ITGB4: variants seen among roughly 807,000 people sequenced by gnomAD.
ITGB4 encodes integrin subunit beta 4.
ITGB4 carries 159 observed loss-of-function variants against 207.6 expected under a neutral mutation model. The observed-to-expected ratio is 0.77, with a 90% CI of 0.67 to 0.87. The LOEUF (loss-of-function observed/expected upper bound fraction) is 0.87. ITGB4 is among the 40% of genes least tolerant of loss of function. ITGB4 has a pLI of 0.00. For missense variants in ITGB4, 2,278 were observed against 2,546.8 expected (o/e 0.89, Z 2.27); for synonymous variants, 1,020 against 1,062.7 (o/e 0.96, Z 0.78).
rs820176 is a variant in ITGB4, at chr17:75,736,441, T to G, written c.1860+55T>G. On this transcript the variant is annotated intron_variant, in intron 15 of 39. Transcript: ENST00000200181. The stretch of plus-strand genomic sequence containing the variant: ...TGGGAACAGGGCAGGCACAGGGCAG[T>G]GTGGGCAGGAGGGGCTAAGCCTGAT... 1,227,642 of 1,609,884 alleles carry G rather than the reference T, an allele frequency of 0.76. 471,719 individuals are homozygous for G. The highest frequency in any genetic ancestry group is 0.79 in the Non-Finnish European group (930,001 of 1,176,918).
chr17:75,730,087 C>T (rs572815775), intron 7 of ITGB4, among the ~76,000 whole-genome samples, 154 bp from the exon 8 acceptor site: 4 of 152,354 alleles, frequency 2.6e-5, no homozygotes, highest in African/African-American at 7.2e-5. Context: ...AGTCATGTGC[C>T]GTCAGATGCA....
intron 14 of ITGB4, 60 bp downstream of exon 14, chr17:75,736,214 A>G (rs2060971467): frequency 6.3e-7 from 1 of 1,594,576 alleles, no homozygotes; most frequent in Non-Finnish European, 8.6e-7. Flanking sequence ...TCCAGAGAGA[A>G]CCCTATGGAG....
intron 12 of ITGB4, 95 bp from the exon 13 acceptor site, chr17:75,733,395 A>AT: frequency 9.2e-7 from 1 of 1,083,166 alleles, no homozygotes; most frequent in East Asian, 2.7e-5. Flanking sequence ...CAAAAAAAAA[A>AT]ATAAAATAAT....
chr17:75,746,488 C>T (rs2061235913), intron 26 of ITGB4: 1 of 151,744 alleles, frequency 6.6e-6, no homozygotes, highest in African/African-American at 2.4e-5. Flanking sequence ...ACCTCAGCCT[C>T]CCAAAGTGCT....
At chr17:75,747,464 G>A (rs764107897) in intron 26 of ITGB4, among the ~76,000 whole-genome samples, 30 of 152,254 alleles carry the variant, frequency 2.0e-4, no homozygotes, top group Non-Finnish European at 3.5e-4. Flanking sequence ...GGGCAAAAGA[G>A]CAAAACTCCA....
At chr17:75,726,123 G>T (rs2148457086) in intron 2 of ITGB4, among the ~76,000 whole-genome samples, 1 of 152,312 alleles carries the variant, frequency 6.6e-6, no homozygotes, top group Admixed American at 6.5e-5. Context: ...TTCTAGCTGT[G>T]CTACCTGGGG....
In ITGB4 at chr17:75,727,321, G is replaced by A. The variant is rs1384713229; in HGVS notation, c.162+44G>A. 1 of 1,612,566 alleles carries A rather than the reference G, an allele frequency of 6.2e-7. No homozygotes were observed. Among genetic ancestry groups the A allele is most frequent in the African/African-American group, 1.3e-5 (1 of 75,030 alleles). On this transcript the variant is annotated intron_variant, in intron 3 of 39. Transcript: ENST00000200181. The surrounding 1 kb of genome is among the most constrained non-coding windows in gnomAD (Gnocchi z 6.0). ...TTGGTGTGGAACAGGCAAGGGTCGG[G>A]AATAGCTGGTGGAAATGAATCTAGG...
chr17:75,744,083 G>T (rs1245876601), intron 26 of ITGB4, among the ~76,000 whole-genome samples: 5 of 150,428 alleles, frequency 3.3e-5, no homozygotes, highest in Non-Finnish European at 5.9e-5. Flanking sequence ...AGGCTCCATT[G>T]CTGCCAGGGA....
intron 2 of ITGB4, among the ~76,000 whole-genome samples, chr17:75,725,522 C>G (rs371435840): frequency 6.6e-6 from 1 of 152,102 alleles, no homozygotes; most frequent in Non-Finnish European, 1.5e-5. Context: ...CTATGTTACC[C>G]AGGCTGGTCT....
In ITGB4 at chr17:75,727,095, A is replaced by G. The variant is rs937985436; in HGVS notation, c.80-100A>G. ...CTCAAAATAAATAAATAAATAACATAAGGAGGGAATCCCCATCTCTCCAGG... is the reference window on the plus strand; with the variant it reads ...CTCAAAATAAATAAATAAATAACATGAGGAGGGAATCCCCATCTCTCCAGG... On this transcript the variant is annotated intron_variant, in intron 2 of 39. Coordinates refer to ENST00000200181, the MANE Select transcript of ITGB4 (RefSeq NM_000213.5). The surrounding 1 kb of genome is among the most constrained non-coding windows in gnomAD (Gnocchi z 6.0). The G allele has an allele frequency of 1.8e-5, 16 of 895,366 alleles. No individual in the cohort carries two copies. The highest frequency in any genetic ancestry group is 1.6e-4 in the Admixed American group (8 of 50,778). The allele number at this position is 895,366 out of a possible 1,614,324, so 55.5% of individuals were successfully genotyped here. A position where few individuals can be genotyped will look rare whatever the true frequency, so the allele number is the denominator to read the frequency against.
At chr17:75,741,818 AAAG>A (rs972778664) in intron 23 of ITGB4, among the ~76,000 whole-genome samples, 3 of 151,956 alleles carry the variant, frequency 2.0e-5, no homozygotes, top group Non-Finnish European at 4.4e-5. Context: ...AAAAAAAAAA[AAAG>A]AATGGCTGAC....
Position 75,742,197 on chromosome 17 carries a change from TG to T in ITGB4, c.2634-142del. The T allele has an allele frequency of 1.9e-6, 2 of 1,060,162 alleles. No individual in the cohort carries two copies. Among genetic ancestry groups the T allele is most frequent in the African/African-American group, 1.6e-5 (1 of 63,874 alleles). 65.7% of individuals were successfully genotyped at this position (1,060,162 alleles called of 1,614,324 possible). ...AAAGGGTATGGGGCTGGCATAGGCCTGGAGCACTGCCTGCCTCTGAAGACCC... is the reference window on the plus strand; with the variant it reads ...AAAGGGTATGGGGCTGGCATAGGCCTGAGCACTGCCTGCCTCTGAAGACCC... On this transcript the variant is annotated intron_variant, in intron 23 of 39. Coordinates refer to ENST00000200181, the MANE Select transcript of ITGB4 (RefSeq NM_000213.5). This position sits in a 1 kb window ranked among gnomAD's most constrained non-coding sequence, Gnocchi z 5.9.
At position 75,736,282 on chromosome 17, in the gene ITGB4, C is replaced by T; in HGVS notation, c.1762-6C>T. The T allele has an allele frequency of 6.2e-7, 1 of 1,613,438 alleles. No individual in the cohort carries two copies. The highest frequency in any genetic ancestry group is 8.5e-7 in the Non-Finnish European group (1 of 1,179,462). On this transcript the variant is annotated splice_polypyrimidine_tract_variant and splice_region_variant and intron_variant, in intron 14 of 39. Coordinates refer to ENST00000200181, the MANE Select transcript of ITGB4 (RefSeq NM_000213.5). ...GCTGGCTCACTGGTGCCCCCTCCTA[C>T]CCCAGGGCATCTGTAATGGACGTGG...
At chr17:75,730,525 G>A (rs748844995) in intron 8 of ITGB4, 21 bp downstream of exon 8, 58 of 1,612,870 alleles carry the variant, frequency 3.6e-5, no homozygotes, top group Admixed American at 2.0e-4. Context: ...CAGGTCCCAC[G>A]GGTGGGAGGT....
At chr17:75,735,854 G>A (rs1219853745) in intron 13 of ITGB4, among the ~76,000 whole-genome samples, 197 bp from the exon 14 acceptor site, 1 of 152,242 alleles carries the variant, frequency 6.6e-6, no homozygotes, top group East Asian at 1.9e-4. Flanking sequence ...AGGCTGCAGA[G>A]TGGAAGGTAG....
chr17:75,742,012 G>A lies in ITGB4; in HGVS notation c.2634-329G>A, dbSNP rs2061122798. On this transcript the variant is annotated intron_variant, in intron 23 of 39. Coordinates refer to ENST00000200181, the MANE Select transcript of ITGB4 (RefSeq NM_000213.5). The surrounding 1 kb of genome is among the most constrained non-coding windows in gnomAD (Gnocchi z 5.9). ...TTGCCCAAGGTTACCCAGCTATCGA[G>A]AACTAGAACCAGGGCTAGGGCCGCG... Among the ~76,000 whole-genome samples, 1 of 152,208 alleles carries A rather than the reference G, an allele frequency of 6.6e-6. No homozygotes were observed. The highest frequency in any genetic ancestry group is 1.5e-5 in the Non-Finnish European group (1 of 68,040).
At chr17:75,725,339 G>A (rs1039061905) in intron 2 of ITGB4, among the ~76,000 whole-genome samples, 1 of 151,380 alleles carries the variant, frequency 6.6e-6, no homozygotes, top group African/African-American at 2.4e-5. Flanking sequence ...GTAGAAACAT[G>A]CTCTCACTCT....
rs749795200 is a variant in ITGB4 at position 75,754,785 on chromosome 17, T to G, written c.4528T>G (p.Tyr1510Asp). 12 of 1,612,312 alleles carry G rather than the reference T, an allele frequency of 7.4e-6. No homozygotes were observed. The highest frequency in any genetic ancestry group is 4.0e-5 in the African/African-American group (3 of 74,894). ...ACACTCGACCACACTGCCCAGGGACTACTCCACCCTCACCTCCGTCTCCTC... is the reference window on the plus strand; with the variant it reads ...ACACTCGACCACACTGCCCAGGGACGACTCCACCCTCACCTCCGTCTCCTC... The part of the protein sequence containing the change: ...HSHSTTLPRD[Y>D]STLTSVSSHD... The change falls in exon 34 of 40, where the codon TAC (tyrosine) becomes GAC (aspartate). Residue 1510 changes from tyrosine (Y) to aspartate (D), a missense_variant. Physicochemically the swap from Tyr to Asp is radical, Grantham distance 160. Transcript: ENST00000200181.
chr17:75,736,169 A>G lies in ITGB4; in HGVS notation c.1761+15A>G. On this transcript the variant is annotated intron_variant, in intron 14 of 39. Transcript: ENST00000200181. ...ACAGCAATGGGGTAGGCCTGGGCATAAGACAGACAGTGTCTGTCAGCACCA... is the reference window on the plus strand; with the variant it reads ...ACAGCAATGGGGTAGGCCTGGGCATGAGACAGACAGTGTCTGTCAGCACCA... The G allele has an allele frequency of 1.2e-6, 2 of 1,612,638 alleles. No homozygotes were observed.
Sources: gnomAD v4.1 joint callset for allele counts (sites outside exome capture counted in the v4.1 genomes callset) on GRCh38, gnomAD v4.1.1 for gene constraint, Gnocchi (gnomAD v3.1) non-coding constraint, MANE v1.5 for transcripts, NCBI Gene and HGNC (gene_info 2026-07-23, HGNC 2026-07-21) for gene names.